NLRP4: variants seen among roughly 807,000 people sequenced by gnomAD.
NLRP4 encodes the protein NACHT, LRR and PYD domains-containing protein 4.
NLRP4 carries 44 observed loss-of-function variants against 84.7 expected under a neutral mutation model. The ratio of observed to expected loss-of-function variants is 0.52; its 90% CI spans 0.41 to 0.67. NLRP4 has a LOEUF of 0.67. Ranked by LOEUF, NLRP4 falls within the 30% of genes least tolerant of loss-of-function variation. The pLI is 0.00. For missense variants in NLRP4, 1,260 were observed against 1,219.4 expected (o/e 1.03, Z -0.50); for synonymous variants, 544 against 476.4 (o/e 1.14, Z -1.85).
At chr19:55,871,890 C>T (rs967643432) in intron 7 of NLRP4, among the ~76,000 whole-genome samples, 2 of 149,962 alleles carry the variant, frequency 1.3e-5, no homozygotes, top group Non-Finnish European at 2.9e-5. Flanking sequence ...GCTCTGTCAG[C>T]CCACGCTGAA....
intron 2 of NLRP4, among the ~76,000 whole-genome samples, chr19:55,853,696 C>T (rs1009901127): frequency 1.3e-5 from 2 of 151,944 alleles, no homozygotes; most frequent in African/African-American, 4.8e-5. Context: ...AGGCCTGAGC[C>T]ACCATACTGG....
At chr19:55,854,131 G>C (rs561782777) in intron 2 of NLRP4, among the ~76,000 whole-genome samples, 1 of 151,782 alleles carries the variant, frequency 6.6e-6, no homozygotes, top group Admixed American at 6.6e-5. Flanking sequence ...CACCACACCC[G>C]GCTAATTTTT....
At chr19:55,869,532 C>T (rs995320177) in intron 6 of NLRP4, among the ~76,000 whole-genome samples, 1 of 152,164 alleles carries the variant, frequency 6.6e-6, no homozygotes, top group Admixed American at 6.5e-5. Flanking sequence ...CTGTCCTAGC[C>T]TGTTGGATTT....
rs148553308 is a variant in NLRP4 at position 55,860,736 on chromosome 19, T to C, written c.1857-650T>C. 7.9e-5 allele frequency among the ~76,000 whole-genome samples: 12 copies of C among 152,310 alleles called. No homozygotes were observed. The East Asian group carries it at 2.3e-3, about 29-fold the overall frequency. On this transcript the variant is annotated intron_variant, in intron 3 of 9. Transcript: ENST00000301295. ...TAGGGCTGAGCCTAGGCTGAAGATG[T>C]CGACTTAATGGCTGGGCTGTGCTGC... is the stretch of plus-strand genomic sequence containing the variant.
In NLRP4 at chr19:55,861,975, T is replaced by C; in HGVS notation, c.2019-17T>C. ...CCATTAGATGAAACTCATCCAAAAT[T>C]TTCTTTGTTTTTGCAGAATAAATAA... On this transcript the variant is annotated splice_polypyrimidine_tract_variant and intron_variant, in intron 4 of 9. Coordinates refer to ENST00000301295, the MANE Select transcript of NLRP4 (RefSeq NM_134444.5). 1 of 1,605,066 alleles carries C rather than the reference T, an allele frequency of 6.2e-7. No homozygotes were observed. Among genetic ancestry groups the C allele is most frequent in the South Asian group, 1.1e-5 (1 of 90,820 alleles).
At chr19:55,879,254 A>G (rs1172485639) in intron 9 of NLRP4, among the ~76,000 whole-genome samples, 1 of 152,116 alleles carries the variant, frequency 6.6e-6, no homozygotes, top group African/African-American at 2.4e-5. Flanking sequence ...CAGAGATCCA[A>G]GGACGCAGAT....
chr19:55,840,265 T>C lies in NLRP4; in HGVS notation c.-66+3331T>C, dbSNP rs561508466. Among the ~76,000 whole-genome samples the C allele has an allele frequency of 2.0e-5, 3 of 152,316 alleles. No individual in the cohort carries two copies. In the East Asian group the frequency reaches 5.8e-4, roughly 29 times the overall value. ...AACAAATTGATAAAATATCCTGCTATGATTAGGGACTTACCTAATTCTCCT... is the reference window on the plus strand; with the variant it reads ...AACAAATTGATAAAATATCCTGCTACGATTAGGGACTTACCTAATTCTCCT... On this transcript the variant is annotated intron_variant, in intron 1 of 9. Coordinates refer to ENST00000301295, the MANE Select transcript of NLRP4 (RefSeq NM_134444.5).
chr19:55,852,183 T>C lies in NLRP4; in HGVS notation c.103T>C (p.Leu35=), dbSNP rs1984190528. 7 of 1,608,750 alleles carry C rather than the reference T, an allele frequency of 4.4e-6. No homozygotes were observed. The highest frequency in any genetic ancestry group is 5.9e-6 in the Non-Finnish European group (7 of 1,178,578). The change falls in exon 2 of 10, where the codon TTG becomes CTG. Residue 35 remains leucine, a synonymous_variant. Transcript: ENST00000301295. ...TAAAGAACATCTCAAGCAAATGACTTTGCAGCTTGAACTCAAGCAGATTCC... is the reference window on the plus strand; with the variant it reads ...TAAAGAACATCTCAAGCAAATGACTCTGCAGCTTGAACTCAAGCAGATTCC... ...KFKEHLKQMT[L]QLELKQIPWT... is the part of the protein sequence containing the mutation.
Position 55,858,475 on chromosome 19 carries a change from T to A in NLRP4, c.1082T>A (p.Leu361Gln). Residue 361 changes from leucine (L) to glutamine (Q), a missense_variant, in exon 3 of 10, where the codon CTG becomes CAG. Leu to Gln is a moderately radical substitution (Grantham distance 113). Coordinates refer to ENST00000301295, the MANE Select transcript of NLRP4 (RefSeq NM_134444.5). The surrounding 1 kb of genome is among the most constrained non-coding windows in gnomAD (Gnocchi z 4.2). ...LKQEMQKGKD[L>Q]ALTCQSTTSV... Reference sequence around the variant, plus strand: ...CAAGAGATGCAGAAAGGAAAAGACCTGGCCCTGACCTGCCAGAGCACTACC... The same window carrying A: ...CAAGAGATGCAGAAAGGAAAAGACCAGGCCCTGACCTGCCAGAGCACTACC... 6.2e-7 allele frequency: 1 copy of A among 1,614,158 alleles called. No individual in the cohort carries two copies. The highest frequency in any genetic ancestry group is 8.5e-7 in the Non-Finnish European group (1 of 1,180,038).
chr19:55,845,182 C>T (rs1204865304), intron 1 of NLRP4, among the ~76,000 whole-genome samples: 3 of 112,686 alleles, frequency 2.7e-5, no homozygotes, highest in South Asian at 3.9e-4. Context: ...CCCCCTCCCC[C>T]CACCCCATAA....
At chr19:55,852,895 G>T (rs184375472) in intron 2 of NLRP4, among the ~76,000 whole-genome samples, 3 of 152,314 alleles carry the variant, frequency 2.0e-5, no homozygotes, top group Admixed American at 2.0e-4. Flanking sequence ...GGTCACCAAT[G>T]ATTTTTACCC....
intron 1 of NLRP4, among the ~76,000 whole-genome samples, chr19:55,843,161 C>T (rs560700122): frequency 6.6e-6 from 1 of 152,256 alleles, no homozygotes; most frequent in East Asian, 1.9e-4. Context: ...TTCTGTAGCA[C>T]CTGATCAGGT....
Position 55,852,339 on chromosome 19 carries a change from A to G in NLRP4, c.259A>G (p.Lys87Glu). 6.2e-7 allele frequency: 1 copy of G among 1,605,102 alleles called. No individual in the cohort carries two copies. Among genetic ancestry groups the G allele is most frequent in the Non-Finnish European group, 8.5e-7 (1 of 1,177,242 alleles). The change falls in exon 2 of 10, where the codon AAG (lysine) becomes GAG (glutamate). Residue 87 changes from lysine (K) to glutamate (E), a missense_variant. Lys to Glu is a moderately conservative substitution (Grantham distance 56). This residue lies in a region of NLRP4 where 712 missense variants were observed against 669.2 expected (regional missense o/e 1.06). Transcript: ENST00000301295. The part of the protein sequence containing the change: ...QKMDRKDLCM[K>E]VMRERTGYTK... ...GATGGATAGAAAGGATCTCTGCATGAAGGTCATGAGGGAGAGAACAGGTGA... is the reference window on the plus strand; with the variant it reads ...GATGGATAGAAAGGATCTCTGCATGGAGGTCATGAGGGAGAGAACAGGTGA...
Position 55,852,373 on chromosome 19 carries a change from G to A in NLRP4, c.280+13G>A. On this transcript the variant is annotated intron_variant, in intron 2 of 9. Transcript: ENST00000301295. ...AGGGAGAGAACAGGTGAGGGAGTCTGGGAAGGGGGAAGCCTTCTTATAATG... is the reference window on the plus strand; with the variant it reads ...AGGGAGAGAACAGGTGAGGGAGTCTAGGAAGGGGGAAGCCTTCTTATAATG... 1 of 1,558,594 alleles carries A rather than the reference G, an allele frequency of 6.4e-7. No homozygotes were observed. Among genetic ancestry groups the A allele is most frequent in the Non-Finnish European group, 8.7e-7 (1 of 1,152,994 alleles).
chr19:55,859,342 G>T (rs186707607), intron 3 of NLRP4, 93 bp downstream of exon 3: 1 of 1,004,918 alleles, frequency 1.0e-6, no homozygotes, highest in East Asian at 2.4e-5. Context: ...TAGGATCATG[G>T]TTAGAAACTC....
rs182715460 is a variant in NLRP4 at position 55,865,517 on chromosome 19, T to C, written c.2187-2192T>C. ...TGCTGGGTTTGATGGTAGTTGTGTT[T>C]GAAGTTCTTTCAGAAATTGCCAAAC... On this transcript the variant is annotated intron_variant, in intron 5 of 9. Coordinates refer to ENST00000301295, the MANE Select transcript of NLRP4 (RefSeq NM_134444.5). Among the ~76,000 whole-genome samples, 298 of 152,346 alleles carry C rather than the reference T, an allele frequency of 2.0e-3. 2 individuals carry two copies. Among genetic ancestry groups the C allele is most frequent in the African/African-American group, 7.0e-3 (293 of 41,580 alleles).
chr19:55,859,936 A>AAAAAAC (rs1984664452), intron 3 of NLRP4, among the ~76,000 whole-genome samples: 1 of 127,686 alleles, frequency 7.8e-6, no homozygotes, highest in African/African-American at 2.9e-5. Flanking sequence ...CAAAAAAAAA[A>AAAAAAC]AAAAAAAAAA....
At chr19:55,845,214 C>A (rs1983750399) in intron 1 of NLRP4, among the ~76,000 whole-genome samples, 1 of 124,914 alleles carries the variant, frequency 8.0e-6, no homozygotes, top group Non-Finnish European at 1.6e-5. Context: ...GTGTGATGTT[C>A]CCCTTCCTGT....
intron 1 of NLRP4, among the ~76,000 whole-genome samples, chr19:55,847,099 C>G (rs1239612233): frequency 2.6e-5 from 4 of 152,026 alleles, no homozygotes; most frequent in African/African-American, 7.3e-5. Flanking sequence ...ATTTTTGGAT[C>G]TTAGATGCTA....
Sources: gnomAD v4.1 joint callset for allele counts (sites outside exome capture counted in the v4.1 genomes callset) on GRCh38, gnomAD v4.1.1 for gene constraint, gnomAD v4.1.1 regional missense constraint, Gnocchi (gnomAD v3.1) non-coding constraint, MANE v1.5 for transcripts, NCBI Gene and HGNC (gene_info 2026-07-23, HGNC 2026-07-21) for gene names.